CNBD1: variants seen among roughly 807,000 people sequenced by gnomAD.
CNBD1 encodes the protein cyclic nucleotide binding domain containing 1, also known as cyclic nucleotide-binding domain-containing protein 1.
CNBD1 carries 71 observed loss-of-function variants against 54.4 expected under a neutral mutation model. The observed-to-expected ratio is 1.30, with a 90% CI of 1.08 to 1.59. The LOEUF (loss-of-function observed/expected upper bound fraction) is 1.59. CNBD1 is among the 40% of genes most tolerant of loss of function. CNBD1 has a pLI of 0.00. For synonymous variants in CNBD1, 182 were observed against 170.7 expected (o/e 1.07, Z -0.51); for missense variants, 659 against 518.0 (o/e 1.27, Z -2.64).
At chr8:87,251,086 G>C (rs1005169312) in intron 6 of CNBD1, among the ~76,000 whole-genome samples, 12 of 151,566 alleles carry the variant, frequency 7.9e-5, no homozygotes, top group Admixed American at 7.2e-4. Flanking sequence ...AACATCACAT[G>C]TACCCCATAA....
intron 1 of CNBD1, among the ~76,000 whole-genome samples, chr8:86,884,711 CT>C (rs1313335813): frequency 6.6e-6 from 1 of 152,154 alleles, no homozygotes; most frequent in Non-Finnish European, 1.5e-5. Context: ...TAGAATTCAC[CT>C]TCTGCTTATT....
At chr8:87,370,399 A>T (rs1810753904) in intron 10 of CNBD1, among the ~76,000 whole-genome samples, 1 of 152,016 alleles carries the variant, frequency 6.6e-6, no homozygotes, top group South Asian at 2.1e-4. Context: ...TTGTTTCCTG[A>T]CTTTTTAATG....
intron 6 of CNBD1, among the ~76,000 whole-genome samples, chr8:87,265,268 C>T (rs1231536552): frequency 1.3e-5 from 2 of 152,046 alleles, no homozygotes; most frequent in African/African-American, 4.8e-5. Context: ...ATCCTTTCCC[C>T]ATTGCTTGTT....
At chr8:86,957,063 C>T (rs1807792089) in intron 4 of CNBD1, among the ~76,000 whole-genome samples, 1 of 152,140 alleles carries the variant, frequency 6.6e-6, no homozygotes, top group South Asian at 2.1e-4. Context: ...TCACCAAAGG[C>T]TTTTTCTGCA....
chr8:87,172,696 T>C (rs547009885), intron 4 of CNBD1, among the ~76,000 whole-genome samples: 1 of 152,254 alleles, frequency 6.6e-6, no homozygotes, highest in African/African-American at 2.4e-5. Context: ...ACTACTCCTG[T>C]TCTTTTTTTC....
chr8:87,272,263 A>T (rs1252932512), intron 6 of CNBD1, among the ~76,000 whole-genome samples: 1 of 152,044 alleles, frequency 6.6e-6, no homozygotes, highest in East Asian at 1.9e-4. Flanking sequence ...AAAAATAAAT[A>T]TTTAAAGTGA....
chr8:86,939,611 C>T lies in CNBD1; in HGVS notation c.288C>T (p.Gly96=). 2 of 1,586,608 alleles carry T rather than the reference C, an allele frequency of 1.3e-6. No individual in the cohort carries two copies. Among genetic ancestry groups the T allele is most frequent in the Non-Finnish European group, 1.7e-6 (2 of 1,169,652 alleles). The change falls in exon 4 of 11, where the codon GGC becomes GGT. Residue 96 remains glycine, a synonymous_variant. Coordinates refer to ENST00000518476, the MANE Select transcript of CNBD1 (RefSeq NM_173538.3). ...TCTTGTTCAGGGAACTCAATGAAGG[C>T]AAAGAGGAAAGTCAACATCAACAAC... ...KQEEQRELNE[G]KEESQHQQPD...
intron 4 of CNBD1, among the ~76,000 whole-genome samples, chr8:87,093,645 A>G (rs773839566): frequency 2.6e-5 from 4 of 152,188 alleles, no homozygotes; most frequent in Non-Finnish European, 5.9e-5. Context: ...TGCCTAGTCA[A>G]GTTGACATAT....
chr8:87,032,571 G>T (rs1271339207), intron 4 of CNBD1, among the ~76,000 whole-genome samples: 1 of 152,172 alleles, frequency 6.6e-6, no homozygotes, highest in African/African-American at 2.4e-5. Context: ...TGTCTCAGGG[G>T]TGGCACAGGC....
At chr8:86,981,116 G>T (rs907391848) in intron 4 of CNBD1, among the ~76,000 whole-genome samples, 6 of 152,182 alleles carry the variant, frequency 3.9e-5, no homozygotes, top group Non-Finnish European at 7.3e-5. Flanking sequence ...ATATAATTTG[G>T]ATATGACACA....
intron 6 of CNBD1, among the ~76,000 whole-genome samples, chr8:87,253,763 A>G (rs1436141020): frequency 6.6e-6 from 1 of 152,210 alleles, no homozygotes. Context: ...AAGAAAGTAC[A>G]GTTGCCATTG....
chr8:87,218,228 T>TA (rs1229893853), intron 5 of CNBD1, among the ~76,000 whole-genome samples: 7 of 152,044 alleles, frequency 4.6e-5, no homozygotes, highest in Non-Finnish European at 1.0e-4. Flanking sequence ...ACATAATAGT[T>TA]ACTCAAAAAA....
chr8:86,986,506 C>T (rs1808611028), intron 4 of CNBD1, among the ~76,000 whole-genome samples: 1 of 152,068 alleles, frequency 6.6e-6, no homozygotes, highest in Non-Finnish European at 1.5e-5. Context: ...TGCAGAAGCT[C>T]TTTAATTTAA....
chr8:87,284,089 C>G (rs145313289), intron 6 of CNBD1, among the ~76,000 whole-genome samples: 1,730 of 152,176 alleles, frequency 0.011, 23 homozygotes, highest in Middle Eastern at 0.027. Flanking sequence ...CGCTCCTTAT[C>G]CTTCACATGC....
intron 3 of CNBD1, among the ~76,000 whole-genome samples, chr8:86,934,142 C>T (rs1167633595): frequency 6.6e-6 from 1 of 152,096 alleles, no homozygotes; most frequent in East Asian, 1.9e-4. Context: ...ATCCTTCTGT[C>T]CCTGACATAT....
chr8:87,121,934 A>T (rs1343990874), intron 4 of CNBD1, among the ~76,000 whole-genome samples: 1 of 151,498 alleles, frequency 6.6e-6, no homozygotes, highest in Admixed American at 6.6e-5. Flanking sequence ...TGTCATATAT[A>T]TATATATGAC....
chr8:87,215,444 T>A (rs1586335008), intron 5 of CNBD1, among the ~76,000 whole-genome samples: 1 of 151,936 alleles, frequency 6.6e-6, no homozygotes, highest in South Asian at 2.1e-4. Context: ...AAAAATTAGC[T>A]GGGCATGGTG....
In CNBD1 at chr8:87,212,305, C is replaced by T. The variant is rs1814115802; in HGVS notation, c.577+6167C>T. On this transcript the variant is annotated intron_variant, in intron 5 of 10. Transcript: ENST00000518476. Reference sequence around the variant, plus strand: ...TATTTATATTGATCTACAGATTCAACACAATCCCTAACAGAAATACCAATT... The same window carrying T: ...TATTTATATTGATCTACAGATTCAATACAATCCCTAACAGAAATACCAATT... Among the ~76,000 whole-genome samples the T allele has an allele frequency of 2.6e-5, 4 of 152,194 alleles. No homozygotes were observed. The South Asian group carries it at 8.3e-4, about 32-fold the overall frequency.
rs1348286273 is a variant in CNBD1 at position 86,948,533 on chromosome 8, G to A, written c.431+8779G>A. 3.3e-5 allele frequency among the ~76,000 whole-genome samples: 5 copies of A among 152,170 alleles called. No individual in the cohort carries two copies. The East Asian group carries it at 9.6e-4, about 29-fold the overall frequency. The stretch of plus-strand genomic sequence containing the variant: ...AATGATTTTGAACATCTTTTCATAT[G>A]CCTATTTGCCATTTGCATGTCATTT... On this transcript the variant is annotated intron_variant, in intron 4 of 10. Coordinates refer to ENST00000518476, the MANE Select transcript of CNBD1 (RefSeq NM_173538.3).
Sources: gnomAD v4.1 joint callset for allele counts (sites outside exome capture counted in the v4.1 genomes callset) on GRCh38, gnomAD v4.1.1 for gene constraint, MANE v1.5 for transcripts, NCBI Gene and HGNC (gene_info 2026-07-23, HGNC 2026-07-21) for gene names.